MYO1H: variants seen among roughly 807,000 people sequenced by gnomAD.
MYO1H encodes the protein myosin IH.
Under a neutral mutation model 149.3 loss-of-function variants are expected in MYO1H, and 118 were observed. The ratio of observed to expected loss-of-function variants is 0.79; its 90% confidence interval spans 0.68 to 0.92. The LOEUF (loss-of-function observed/expected upper bound fraction) is 0.92. Ranked by LOEUF, MYO1H falls within the 40% of genes least tolerant of loss-of-function variation. The pLI is 0.00. For missense variants in MYO1H, 1,212 were observed against 1,280.7 expected, an observed-to-expected ratio of 0.95 and a Z score of 0.82; for synonymous variants, 447 against 465.2, an observed-to-expected ratio of 0.96 and a Z score of 0.50.
the MYO1H span, among the ~76,000 whole-genome samples, chr12:109,339,167 C>T: frequency 2.0e-5 from 3 of 151,812 alleles, no homozygotes; most frequent in Non-Finnish European, 2.9e-5. Flanking sequence ...GAGTTGGAGA[C>T]CAGCCTGGCC....
intron 15 of MYO1H, among the ~76,000 whole-genome samples, chr12:109,417,515 G>A (rs907413113): frequency 6.6e-6 from 1 of 151,968 alleles, no homozygotes; most frequent in Non-Finnish European, 1.5e-5. Context: ...TTTTAGTAGA[G>A]ACGGGGTTTC....
chr12:109,310,938 G>A, the MYO1H span, among the ~76,000 whole-genome samples: 1 of 152,192 alleles, frequency 6.6e-6, no homozygotes, highest in Non-Finnish European at 1.5e-5. Context: ...TAGGAAAGTG[G>A]TTTACATAGT....
the MYO1H span, among the ~76,000 whole-genome samples, chr12:109,326,180 C>A: frequency 2.0e-5 from 3 of 152,350 alleles, no homozygotes; most frequent in Admixed American, 6.5e-5. Flanking sequence ...GGTGCCTGTC[C>A]AGGCATCCTC....
chr12:109,431,799 G>A (rs924004362), intron 19 of MYO1H, among the ~76,000 whole-genome samples: 9 of 152,000 alleles, frequency 5.9e-5, no homozygotes, highest in Non-Finnish European at 1.2e-4. Flanking sequence ...GGGGACGGGG[G>A]AAGCCCTCAT....
chr12:109,316,010 A>G, the MYO1H span, among the ~76,000 whole-genome samples: 28 of 152,268 alleles, frequency 1.8e-4, no homozygotes, highest in African/African-American at 6.3e-4. Context: ...AAATAAGTAT[A>G]TTCTTCTTTG....
chr12:109,415,549 G>C, exon 15 of MYO1H: 1 of 1,607,620 alleles, frequency 6.2e-7, no homozygotes, highest in Non-Finnish European at 8.5e-7. Context: ...GGTCCAAAGG[G>C]CCGAAAGAGG....
At chr12:109,312,849 G>C in the MYO1H span, among the ~76,000 whole-genome samples, 29 of 151,400 alleles carry the variant, frequency 1.9e-4, no homozygotes, top group East Asian at 4.3e-3. Flanking sequence ...ATGGCACCCT[G>C]GGCTGTGTCT....
At chr12:109,313,507 C>G in the MYO1H span, among the ~76,000 whole-genome samples, 1 of 152,176 alleles carries the variant, frequency 6.6e-6, no homozygotes, top group East Asian at 1.9e-4. Flanking sequence ...TGTGTATGAT[C>G]ATTCTTTGGG....
chr12:109,406,135 G>T (rs578164324), intron 8 of MYO1H, 100 bp downstream of exon 8: 2 of 768,438 alleles, frequency 2.6e-6, no homozygotes, highest in African/African-American at 1.7e-5. Context: ...ATCTGGTGCC[G>T]TGCTGTTTTG....
At chr12:109,400,800 C>T (rs879384154) in intron 5 of MYO1H, among the ~76,000 whole-genome samples, 1 of 152,182 alleles carries the variant, frequency 6.6e-6, no homozygotes, top group Non-Finnish European at 1.5e-5. Flanking sequence ...CCTTTGACCA[C>T]TACCCCTCTG....
chr12:109,328,627 A>G, the MYO1H span, among the ~76,000 whole-genome samples: 1 of 152,370 alleles, frequency 6.6e-6, no homozygotes, highest in African/African-American at 2.4e-5. Context: ...ATGCATTTTA[A>G]TAAATCCAAA....
At position 109,393,320 on chromosome 12, in the gene MYO1H, C is replaced by T; in HGVS notation, c.175-11C>T. 6.5e-7 allele frequency: 1 copy of T among 1,534,880 alleles called. No homozygotes were observed. Among genetic ancestry groups the T allele is most frequent in the East Asian group, 2.4e-5 (1 of 41,912 alleles). On this transcript the variant is annotated splice_polypyrimidine_tract_variant and intron_variant, in intron 2 of 31. Transcript: ENST00000310903. Reference sequence around the variant, plus strand: ...AGAATTCCTCACTTGTGCTTTGGTCCATTTCTCTAGACATATATTGGCACC... The same window carrying T: ...AGAATTCCTCACTTGTGCTTTGGTCTATTTCTCTAGACATATATTGGCACC...
intron 20 of MYO1H, among the ~76,000 whole-genome samples, 200 bp from the exon 21 acceptor site, chr12:109,434,837 T>C (rs1034821507): frequency 2.6e-5 from 4 of 152,188 alleles, no homozygotes; most frequent in African/African-American, 9.7e-5. Flanking sequence ...ATAGAGACAC[T>C]CTCAATGGAT....
upstream of MYO1H, among the ~76,000 whole-genome samples, chr12:109,344,000 C>A (rs557368949): frequency 2.4e-4 from 36 of 152,138 alleles, no homozygotes; most frequent in Non-Finnish European, 4.9e-4. Context: ...CTTCTCTTGG[C>A]TGTGACAGTT....
rs776332467 is a variant in MYO1H at position 109,409,597 on chromosome 12, A to C, written c.1196A>C (p.Tyr399Ser). 3.3e-5 allele frequency: 53 copies of C among 1,613,758 alleles called. 2 individuals are homozygous for C. In the South Asian group the frequency reaches 5.6e-4, roughly 17 times the overall value. ...ACTGTAATTGGATTACTGGACATCT[A>C]TGGGTTTGAAGTCTTTGACAAGAAT... is the stretch of plus-strand genomic sequence containing the variant. Residue 399 changes from tyrosine (Y) to serine (S), a missense_variant, in exon 11 of 32, where the codon TAT becomes TCT. Tyr to Ser is a moderately radical substitution (Grantham distance 144). Transcript: ENST00000310903.
chr12:109,440,882 C>T, intron 25 of MYO1H, 55 bp downstream of exon 25: 2 of 1,283,890 alleles, frequency 1.6e-6, no homozygotes, highest in South Asian at 2.6e-5. Context: ...AAGAGTGGGT[C>T]CTGAGTGTCA....
intron 26 of MYO1H, 81 bp downstream of exon 26, chr12:109,441,789 A>G (rs1306270108): frequency 7.2e-6 from 7 of 966,750 alleles, no homozygotes; most frequent in South Asian, 1.6e-5. Context: ...GCTCATGCCC[A>G]TAATCTCAGC....
At chr12:109,355,886 T>C (rs907087129) in intron 1 of MYO1H, among the ~76,000 whole-genome samples, 1 of 151,252 alleles carries the variant, frequency 6.6e-6, no homozygotes, top group East Asian at 1.9e-4. Flanking sequence ...TTTTTTTTTT[T>C]CTGGTATTTT....
intron 18 of MYO1H, among the ~76,000 whole-genome samples, chr12:109,426,258 C>T (rs995118485): frequency 4.5e-4 from 68 of 152,068 alleles, no homozygotes; most frequent in Non-Finnish European, 3.4e-4. Context: ...TTGAGGCAGG[C>T]GGATCACTTG....
Sources: gnomAD v4.1 joint callset for allele counts (sites outside exome capture counted in the v4.1 genomes callset) on GRCh38, gnomAD v4.1.1 for gene constraint, MANE v1.5 for transcripts, NCBI Gene and HGNC (gene_info 2026-07-23, HGNC 2026-07-21) for gene names.